B2M: variants seen among roughly 807,000 people sequenced by gnomAD.
B2M encodes the protein beta chain of MHC class I molecules.
Under a neutral mutation model 14.5 loss-of-function variants are expected in B2M, and 3 were observed. The observed-to-expected ratio is 0.21, with a 90% CI of 0.09 to 0.53. The LOEUF (loss-of-function observed/expected upper bound fraction) is 0.53, where lower values mean the gene tolerates loss of function less well. Among genes scored for constraint, B2M ranks in the 20% least tolerant of loss-of-function variants. B2M has a pLI of 0.95. For missense variants in B2M, 107 were observed against 140.8 expected (o/e 0.76, Z 1.21); for synonymous variants, 45 against 52.7 (o/e 0.85, Z 0.64).
intron 2 of B2M, chr15:44,716,026 G>A (rs770330482): frequency 1.7e-6 from 1 of 599,188 alleles, no homozygotes. Context: ...TTTTGTGGCA[G>A]CTTCAGGTAT....
At chr15:44,715,371 C>A in intron 1 of B2M, 52 bp from the exon 2 acceptor site, 1 of 1,583,296 alleles carries the variant, frequency 6.3e-7, no homozygotes, top group South Asian at 1.1e-5. Flanking sequence ...CAAGTTAGCC[C>A]CAAGTGAAAT....
intron 1 of B2M, among the ~76,000 whole-genome samples, chr15:44,712,389 A>T (rs925543197): frequency 8.5e-5 from 13 of 152,196 alleles, no homozygotes; most frequent in African/African-American, 3.1e-4. Flanking sequence ...CGCCATAGAT[A>T]ACTACTATGG....
At chr15:44,716,996 G>A (rs1232821091) in intron 3 of B2M, 1 of 152,372 alleles carries the variant, frequency 6.6e-6, no homozygotes, top group South Asian at 2.1e-4. Flanking sequence ...AGGGTACATT[G>A]ATGCTGAAAC....
chr15:44,714,637 C>T (rs1423888225), intron 1 of B2M: 1 of 152,416 alleles, frequency 6.6e-6, no homozygotes, highest in Non-Finnish European at 1.5e-5. Context: ...TGCCTGTAGT[C>T]CCAGGAATCA....
chr15:44,715,738 G>A, intron 2 of B2M, 37 bp downstream of exon 2: 1 of 1,612,138 alleles, frequency 6.2e-7, no homozygotes, highest in South Asian at 1.1e-5. Flanking sequence ...GCTGAAAGTT[G>A]TGTATGAGTA....
In B2M at chr15:44,715,579, C is replaced by T. The variant is rs760823225; in HGVS notation, c.224C>T (p.Ser75Phe). 6.2e-7 allele frequency: 1 copy of T among 1,614,162 alleles called. No homozygotes were observed. Among genetic ancestry groups the T allele is most frequent in the Non-Finnish European group, 8.5e-7 (1 of 1,180,016 alleles). Residue 75 changes from serine (S) to phenylalanine (F), a missense_variant, in exon 2 of 4, where the codon TCT becomes TTT. Coordinates refer to ENST00000648006, the MANE Select transcript of B2M (RefSeq NM_004048.4). ...GAAAAAGTGGAGCATTCAGACTTGT[C>T]TTTCAGCAAGGACTGGTCTTTCTAT... ...RIEKVEHSDL[S>F]FSKDWSFYLL... is the part of the protein sequence containing the mutation.
At chr15:44,715,275 G>A in intron 1 of B2M, 148 bp from the exon 2 acceptor site, 1 of 909,854 alleles carries the variant, frequency 1.1e-6, no homozygotes, top group Non-Finnish European at 1.8e-6. Flanking sequence ...TTGGGAAGGT[G>A]GAAGCTCATT....
intron 1 of B2M, chr15:44,713,468 C>A (rs1001996727): frequency 2.4e-4 from 36 of 152,126 alleles, no homozygotes; most frequent in African/African-American, 8.2e-4. Flanking sequence ...CCTCCTCTGA[C>A]CTGTGTGTGG....
At chr15:44,714,215 G>C (rs1293597964) in intron 1 of B2M, 7 of 152,148 alleles carry the variant, frequency 4.6e-5, no homozygotes, top group Non-Finnish European at 1.0e-4. Context: ...AAATCCCACT[G>C]TCACATGCAT....
At chr15:44,714,984 A>G (rs893204535) in intron 1 of B2M, 1 of 241,132 alleles carries the variant, frequency 4.1e-6, no homozygotes, top group Non-Finnish European at 8.3e-6. Context: ...GAGTAATTTG[A>G]TGGGGGCTAT....
intron 1 of B2M, 155 bp from the exon 2 acceptor site, chr15:44,715,268 G>T (rs1272091348): frequency 2.4e-6 from 2 of 840,954 alleles, no homozygotes. Context: ...TGGCTTGTTG[G>T]GAAGGTGGAA....
chr15:44,712,222 T>C (rs745724427), intron 1 of B2M, among the ~76,000 whole-genome samples: 1 of 152,232 alleles, frequency 6.6e-6, no homozygotes, highest in Non-Finnish European at 1.5e-5. Flanking sequence ...TGTAGAATGC[T>C]TGGCTGTGAT....
chr15:44,715,399 G>A lies in B2M; in HGVS notation c.68-24G>A, dbSNP rs115752122. 8.1e-6 allele frequency: 13 copies of A among 1,609,536 alleles called. No individual in the cohort carries two copies. In the Admixed American group the frequency reaches 1.5e-4, roughly 19 times the overall value. On this transcript the variant is annotated intron_variant, in intron 1 of 3. Transcript: ENST00000648006. ...AGTGAAATACCCTGGCAATATTAATGTGTCTTTTCCCGATATTCCTCAGGT... is the reference window on the plus strand; with the variant it reads ...AGTGAAATACCCTGGCAATATTAATATGTCTTTTCCCGATATTCCTCAGGT...
At chr15:44,715,887 G>A (rs1467310110) in intron 2 of B2M, 186 bp downstream of exon 2, 4 of 767,920 alleles carry the variant, frequency 5.2e-6, no homozygotes, top group Non-Finnish European at 4.3e-6. Context: ...AGTGGCACCT[G>A]CTGAGATACT....
intron 1 of B2M, among the ~76,000 whole-genome samples, chr15:44,712,293 A>G (rs1566875764): frequency 6.6e-6 from 1 of 152,236 alleles, no homozygotes. Context: ...TTAAAAAATT[A>G]TAAGAACTAC....
intron 1 of B2M, chr15:44,711,876 C>A: frequency 1.7e-6 from 1 of 605,520 alleles, no homozygotes; most frequent in Non-Finnish European, 3.0e-6. Flanking sequence ...ACGGGAGGGT[C>A]GGGACAAAGT....
chr15:44,716,513 T>C, intron 3 of B2M, 157 bp downstream of exon 3: 1 of 821,304 alleles, frequency 1.2e-6, no homozygotes, highest in Non-Finnish European at 2.0e-6. Context: ...TCCCTTCTCC[T>C]GTGGAGTGGC....
rs545635107 is a variant in B2M at position 44,711,543 on chromosome 15, C to T, written c.-4C>T. On this transcript the variant is annotated 5_prime_UTR_variant, in exon 1 of 4. Transcript: ENST00000648006. ...TTCCTGAAGCTGACAGCATTCGGGC[C>T]GAGATGTCTCGCTCCGTGGCCTTAG... The T allele has an allele frequency of 7.3e-4, 1,178 of 1,613,676 alleles. 12 individuals are homozygous for T. In the South Asian group the frequency reaches 9.4e-3, roughly 13 times the overall value.
chr15:44,714,744 AT>A (rs759559184), intron 1 of B2M: 4 of 152,952 alleles, frequency 2.6e-5, no homozygotes, highest in African/African-American at 4.8e-5. Flanking sequence ...ATCCCAAAAA[AT>A]AAAAAAATAA....
Sources: gnomAD v4.1 joint callset for allele counts (sites outside exome capture counted in the v4.1 genomes callset) on GRCh38, gnomAD v4.1.1 for gene constraint, MANE v1.5 for transcripts, NCBI Gene and HGNC (gene_info 2026-07-23, HGNC 2026-07-21) for gene names.